BBS9: variants seen among roughly 807,000 people sequenced by gnomAD.
BBS9 encodes the protein Bardet-Biedl syndrome 9, also known as protein PTHB1.
BBS9 carries 89 observed loss-of-function variants against 117.7 expected under a neutral mutation model. The observed-to-expected ratio is 0.76, with a 90% CI of 0.64 to 0.90. BBS9 has a LOEUF of 0.90. Among genes scored for constraint, BBS9 ranks in the 40% least tolerant of loss-of-function variants. The pLI, the probability that BBS9 is intolerant of heterozygous loss-of-function variation, is 0.00. For missense variants in BBS9, 982 were observed against 1,042.2 expected (o/e 0.94, Z 0.80); for synonymous variants, 379 against 370.9 (o/e 1.02, Z -0.25).
intron 19 of BBS9, among the ~76,000 whole-genome samples, chr7:33,450,106 A>T (rs996799944): frequency 1.3e-5 from 2 of 152,162 alleles, no homozygotes; most frequent in Non-Finnish European, 2.9e-5. Context: ...GATACCTCAT[A>T]AGTAGAATCG....
At chr7:33,557,707 C>T (rs1178461034) in intron 21 of BBS9, among the ~76,000 whole-genome samples, 1 of 152,212 alleles carries the variant, frequency 6.6e-6, no homozygotes, top group East Asian at 1.9e-4. Flanking sequence ...AGGAGCGCAT[C>T]TAAGTTGATA....
intron 16 of BBS9, among the ~76,000 whole-genome samples, chr7:33,359,319 C>G (rs1008582): frequency 0.87 from 132,799 of 152,044 alleles, 58,262 homozygotes; most frequent in African/African-American, 0.97. Context: ...TAGATAAATG[C>G]AACCCAATTA....
chr7:33,579,243 A>G (rs1859473991), intron 21 of BBS9, among the ~76,000 whole-genome samples: 1 of 152,210 alleles, frequency 6.6e-6, no homozygotes, highest in Non-Finnish European at 1.5e-5. Context: ...AAACCACTTC[A>G]TCCTCTGAAA....
At chr7:33,278,940 T>A (rs2128362278) in intron 9 of BBS9, among the ~76,000 whole-genome samples, 1 of 152,350 alleles carries the variant, frequency 6.6e-6, no homozygotes, top group East Asian at 1.9e-4. Context: ...TTGACGCACA[T>A]CTAGCCATAC....
chr7:33,381,061 A>T (rs1424513780), intron 17 of BBS9, among the ~76,000 whole-genome samples: 6 of 152,244 alleles, frequency 3.9e-5, no homozygotes, highest in Non-Finnish European at 7.3e-5. Context: ...CAGGGGGTTC[A>T]GAGCCTGAAA....
chr7:33,561,796 T>G (rs1371984164), intron 21 of BBS9, among the ~76,000 whole-genome samples: 4 of 152,184 alleles, frequency 2.6e-5, no homozygotes, highest in African/African-American at 7.2e-5. Context: ...ATGGTAAGAT[T>G]TCTTATTAAA....
At chr7:33,222,824 A>G (rs985023529) in intron 5 of BBS9, among the ~76,000 whole-genome samples, 2 of 151,788 alleles carry the variant, frequency 1.3e-5, no homozygotes, top group African/African-American at 4.8e-5. Context: ...GTAGTGGTGC[A>G]TGCCTGTGGT....
intron 21 of BBS9, among the ~76,000 whole-genome samples, chr7:33,555,700 T>G (rs1022392715): frequency 4.8e-4 from 73 of 152,278 alleles, no homozygotes; most frequent in African/African-American, 1.6e-3. Context: ...GGCCAATGTG[T>G]CATTCATCAA....
chr7:33,272,309 T>TA (rs1449459970), intron 7 of BBS9, among the ~76,000 whole-genome samples: 1 of 152,178 alleles, frequency 6.6e-6, no homozygotes, highest in African/African-American at 2.4e-5. Context: ...GAAATGAATT[T>TA]ACCTGTATAA....
At chr7:33,416,237 C>T (rs995879469) in intron 19 of BBS9, among the ~76,000 whole-genome samples, 34 of 151,584 alleles carry the variant, frequency 2.2e-4, no homozygotes, top group African/African-American at 7.0e-4. Context: ...CCATACGGGA[C>T]CTGCATTTCC....
In BBS9 at chr7:33,319,576, A is replaced by AT. The variant is rs567638454; in HGVS notation, c.1017-16858dup. On this transcript the variant is annotated intron_variant, in intron 9 of 22. Coordinates refer to ENST00000242067, the MANE Select transcript of BBS9 (RefSeq NM_198428.3). ...ACATCTATTTTTTTTTATTATGACC[A>AT]TTTTTTTGCAGGAGTAAGGTGGTAT... 4.0e-5 allele frequency among the ~76,000 whole-genome samples: 6 copies of AT among 151,822 alleles called. No homozygotes were observed. In the East Asian group the frequency reaches 7.7e-4, roughly 20 times the overall value.
intron 3 of BBS9, among the ~76,000 whole-genome samples, chr7:33,154,832 A>T (rs1312737360): frequency 1.3e-5 from 2 of 152,234 alleles, no homozygotes; most frequent in South Asian, 2.1e-4. Flanking sequence ...AAGAGATTTC[A>T]CATAAAACCC....
intron 21 of BBS9, among the ~76,000 whole-genome samples, chr7:33,625,669 T>G (rs1865603929): frequency 6.6e-6 from 1 of 152,196 alleles, no homozygotes; most frequent in Admixed American, 6.5e-5. Context: ...AGGAAGCACC[T>G]TACCATGATT....
At chr7:33,415,522 C>T (rs866603259) in intron 19 of BBS9, among the ~76,000 whole-genome samples, 18 of 152,130 alleles carry the variant, frequency 1.2e-4, no homozygotes, top group Non-Finnish European at 2.2e-4. Flanking sequence ...ACTATAAATT[C>T]ACAGTAAAAC....
At chr7:33,200,248 C>A (rs933685785) in intron 5 of BBS9, among the ~76,000 whole-genome samples, 1 of 152,120 alleles carries the variant, frequency 6.6e-6, no homozygotes, top group Non-Finnish European at 1.5e-5. Context: ...CAACTTTCAG[C>A]TCCTTGATTC....
chr7:33,599,348 T>TC (rs1046351511), intron 21 of BBS9, among the ~76,000 whole-genome samples: 1 of 152,278 alleles, frequency 6.6e-6, no homozygotes, highest in South Asian at 2.1e-4. Flanking sequence ...ACCCTGCCTA[T>TC]CCCCCACCTT....
intron 9 of BBS9, among the ~76,000 whole-genome samples, chr7:33,304,563 C>T (rs953182528): frequency 7.2e-5 from 11 of 152,088 alleles, no homozygotes; most frequent in African/African-American, 1.7e-4. Flanking sequence ...AAGTGAGGAG[C>T]GCCTCTGCCT....
chr7:33,381,529 C>T (rs186503617), intron 17 of BBS9, among the ~76,000 whole-genome samples: 31 of 152,210 alleles, frequency 2.0e-4, no homozygotes, highest in East Asian at 3.9e-4. Flanking sequence ...GGTTCTTATA[C>T]GGTACTTTAT....
At chr7:33,587,699 A>G (rs73304516) in intron 21 of BBS9, among the ~76,000 whole-genome samples, 302 of 152,236 alleles carry the variant, frequency 2.0e-3, no homozygotes, top group African/African-American at 6.9e-3. Flanking sequence ...CCAAAAAAAT[A>G]TAAGATAGAG....
Sources: allele counts gnomAD v4.1 joint callset (sites outside exome capture counted in the v4.1 genomes callset), GRCh38; gene constraint gnomAD v4.1.1; transcripts MANE v1.5; gene names NCBI Gene and HGNC (gene_info 2026-07-23, HGNC 2026-07-21).